The following CCDC88C variants were observed in gnomAD, a reference collection of about 807,000 sequenced individuals.
CCDC88C encodes the protein coiled-coil and HOOK domain protein 88C.
In CCDC88C, 131 loss-of-function variants were observed where a neutral mutation model predicts 198.8. The ratio of observed to expected loss-of-function variants is 0.66; its 90% confidence interval spans 0.57 to 0.76. The LOEUF is 0.76. Ranked by LOEUF, CCDC88C falls within the 30% of genes least tolerant of loss-of-function variation. CCDC88C has a pLI of 0.00. For missense variants in CCDC88C, 2,553 were observed against 2,631.6 expected (o/e 0.97, Z 0.65); for synonymous variants, 1,166 against 1,114.7 (o/e 1.05, Z -0.92).
At chr14:91,368,944 TG>T (rs1403283599) in intron 3 of CCDC88C, among the ~76,000 whole-genome samples, 1 of 152,134 alleles carries the variant, frequency 6.6e-6, no homozygotes, top group Non-Finnish European at 1.5e-5. Context: ...CACCAGACAG[TG>T]AAGAGGTTCC....
intron 28 of CCDC88C, 130 bp from the exon 29 acceptor site, chr14:91,278,341 G>C: frequency 1.2e-6 from 1 of 853,950 alleles, no homozygotes; most frequent in East Asian, 3.0e-5. Context: ...AAAACCCAGG[G>C]CTTATTCCCA....
At chr14:91,349,139 G>A (rs1267125646) in intron 4 of CCDC88C, among the ~76,000 whole-genome samples, 2 of 152,194 alleles carry the variant, frequency 1.3e-5, no homozygotes, top group Non-Finnish European at 2.9e-5. Context: ...CAGTCAAGCA[G>A]GCCAAGATCA....
rs1890537293 is a variant in CCDC88C at position 91,288,980 on chromosome 14, G to A, written c.4441+125C>T. The A allele has an allele frequency of 2.8e-6, 2 of 723,098 alleles. No homozygotes were observed. Among genetic ancestry groups the A allele is most frequent in the Middle Eastern group, 3.7e-4 (1 of 2,728 alleles). The allele number at this position is 723,098 out of a possible 1,614,324, so 44.8% of individuals were successfully genotyped here. On this transcript the variant is annotated intron_variant, in intron 25 of 29. Coordinates refer to ENST00000389857, the MANE Select transcript of CCDC88C (RefSeq NM_001080414.4). The surrounding 1 kb of genome is among the most constrained non-coding windows in gnomAD (Gnocchi z 4.2). ...TCTACTTGGCTCGTAACACATCTAA[G>A]CGAAGGCGCACATGCAGTCACCCAC...
At chr14:91,340,071 GC>G in intron 6 of CCDC88C, 47 bp from the exon 7 acceptor site, 1 of 1,594,122 alleles carries the variant, frequency 6.3e-7, no homozygotes, top group Non-Finnish European at 8.5e-7. Flanking sequence ...AGAGACGGGC[GC>G]CCACTTCCCT....
In CCDC88C at chr14:91,276,079, C is replaced by T. The variant is rs558005747; in HGVS notation, c.5058+1843G>A. On this transcript the variant is annotated intron_variant, in intron 29 of 29. Coordinates refer to ENST00000389857, the MANE Select transcript of CCDC88C (RefSeq NM_001080414.4). ...TCGTGATCCGCCCGTCTCGGCCTCC[C>T]GAAGTGCTGGGATTACAGGCGTGAG... 4.2e-4 allele frequency among the ~76,000 whole-genome samples: 64 copies of T among 152,308 alleles called. 3 individuals are homozygous for T. The South Asian group carries it at 0.012, about 30-fold the overall frequency.
rs116768806 is a variant in CCDC88C at position 91,286,206 on chromosome 14, A to G, written c.4442-2689T>C. Reference sequence around the variant, plus strand: ...AGGGCCCAACTTCTCTTACTCATCCATTTTAATGATGGGGTCCCTAACAGC... The same window carrying G: ...AGGGCCCAACTTCTCTTACTCATCCGTTTTAATGATGGGGTCCCTAACAGC... On this transcript the variant is annotated intron_variant, in intron 25 of 29. Transcript: ENST00000389857. Among the ~76,000 whole-genome samples, 560 of 152,274 alleles carry G rather than the reference A, an allele frequency of 3.7e-3. 3 individuals are homozygous for G. The highest frequency in any genetic ancestry group is 0.013 in the African/African-American group (531 of 41,536).
chr14:91,280,395 C>A (rs1890150217), intron 27 of CCDC88C, among the ~76,000 whole-genome samples: 1 of 152,148 alleles, frequency 6.6e-6, no homozygotes, highest in African/African-American at 2.4e-5. Flanking sequence ...TGAAACTGAG[C>A]CAAAAACATA....
chr14:91,321,831 T>C (rs1658684092), intron 12 of CCDC88C, among the ~76,000 whole-genome samples: 1 of 152,106 alleles, frequency 6.6e-6, no homozygotes, highest in Non-Finnish European at 1.5e-5. Flanking sequence ...TTTCTGTGAC[T>C]TCACAATTAT....
rs35728972 is a variant in CCDC88C, at chr14:91,322,904, CTTTTTTTT to C, written c.1343-1608_1343-1601del. On this transcript the variant is annotated intron_variant, in intron 12 of 29. Transcript: ENST00000389857. ...TTACTACTAAAACGCCAGTGTTTCT[CTTTTTTTT>C]TTTTTTTTTTTGAGACAGAATCTCA... Among the ~76,000 whole-genome samples the C allele has an allele frequency of 4.6e-3, 583 of 127,518 alleles. 1 individual carries two copies. The highest frequency in any genetic ancestry group is 7.4e-3 in the Non-Finnish European group (460 of 62,036). 83.7% of individuals were successfully genotyped at this position (127,518 alleles called of 152,430 possible).
At chr14:91,375,192 C>T (rs748368) in intron 3 of CCDC88C, among the ~76,000 whole-genome samples, 6 of 152,168 alleles carry the variant, frequency 3.9e-5, no homozygotes, top group Non-Finnish European at 8.8e-5. Context: ...CACAGCAGGG[C>T]TCAGCCATCA....
At chr14:91,286,111 G>A (rs146303446) in intron 25 of CCDC88C, among the ~76,000 whole-genome samples, 1 of 152,224 alleles carries the variant, frequency 6.6e-6, no homozygotes, top group African/African-American at 2.4e-5. Flanking sequence ...TACTGCCCAA[G>A]GAGCCAATGG....
At chr14:91,299,381 A>G (rs1891170372) in intron 21 of CCDC88C, among the ~76,000 whole-genome samples, 1 of 152,222 alleles carries the variant, frequency 6.6e-6, no homozygotes, top group Non-Finnish European at 1.5e-5. Flanking sequence ...CATTGAAGAG[A>G]TTCTGAAAGG....
intron 13 of CCDC88C, 48 bp from the exon 14 acceptor site, chr14:91,315,835 G>C: frequency 6.3e-7 from 1 of 1,585,700 alleles, no homozygotes. Flanking sequence ...GTCCTACGAA[G>C]TGAACCATGA....
intron 3 of CCDC88C, among the ~76,000 whole-genome samples, chr14:91,377,758 T>A (rs2139943588): frequency 6.6e-6 from 1 of 152,328 alleles, no homozygotes; most frequent in East Asian, 1.9e-4. Flanking sequence ...CCAAAGCTGC[T>A]ATACGAGCCC....
intron 10 of CCDC88C, among the ~76,000 whole-genome samples, chr14:91,328,468 GC>G (rs1478501928): frequency 1.3e-5 from 2 of 152,152 alleles, no homozygotes; most frequent in Admixed American, 1.3e-4. Flanking sequence ...CCCCACCGTG[GC>G]CCTGACCACA....
chr14:91,278,078 G>A lies in CCDC88C; in HGVS notation c.4902C>T (p.Pro1634=). The change falls in exon 29 of 30, where the codon CCC becomes CCT. Residue 1634 remains proline (P), a synonymous_variant. Transcript: ENST00000389857. Reference sequence around the variant, plus strand: ...GTGGGAGAGGCCCGTTCCGAGGCAAGGGGTACTCGTGGCGGCCGAGGGCGT... The same window carrying A: ...GTGGGAGAGGCCCGTTCCGAGGCAAAGGGTACTCGTGGCGGCCGAGGGCGT... ...GRNALGRHEY[P]LPRNGPLPQE... The A allele has an allele frequency of 6.2e-7, 1 of 1,612,512 alleles. No individual in the cohort carries two copies. The highest frequency in any genetic ancestry group is 1.1e-5 in the South Asian group (1 of 90,732).
chr14:91,293,581 T>C (rs79911632), intron 23 of CCDC88C, among the ~76,000 whole-genome samples: 4,838 of 26,970 alleles, frequency 0.18, 320 homozygotes, highest in Middle Eastern at 0.24. Context: ...CACCTTCCTG[T>C]CCCCTCGCCT....
intron 29 of CCDC88C, among the ~76,000 whole-genome samples, chr14:91,275,851 T>C (rs1889938079): frequency 7.6e-6 from 1 of 132,358 alleles, no homozygotes; most frequent in East Asian, 2.2e-4. Flanking sequence ...AGACGGAGTT[T>C]CGCTCTGTCG....
chr14:91,290,140 C>T (rs1013271685), intron 24 of CCDC88C, among the ~76,000 whole-genome samples: 2 of 152,212 alleles, frequency 1.3e-5, no homozygotes, highest in African/African-American at 2.4e-5. Flanking sequence ...GGCGTGGTGG[C>T]ACATGCCTGT....
Sources: allele counts gnomAD v4.1 joint callset (sites outside exome capture counted in the v4.1 genomes callset), GRCh38; gene constraint gnomAD v4.1.1; non-coding constraint Gnocchi (gnomAD v3.1); transcripts MANE v1.5; gene names NCBI Gene and HGNC (gene_info 2026-07-23, HGNC 2026-07-21).